The following NTM variants were observed in gnomAD, a reference collection of about 807,000 sequenced individuals.
NTM encodes the protein neurotrimin.
In NTM, 13 loss-of-function variants were observed where a neutral mutation model predicts 42.1. The ratio of observed to expected loss-of-function variants is 0.31; its 90% CI spans 0.20 to 0.49. The LOEUF is 0.49. Ranked by LOEUF, NTM falls within the 20% of genes least tolerant of loss-of-function variation. NTM has a pLI of 0.99. For synonymous variants in NTM, 187 were observed against 179.2 expected, an observed-to-expected ratio of 1.04 and a Z score of -0.35; for missense variants, 373 against 452.8, an observed-to-expected ratio of 0.82 and a Z score of 1.60.
At chr11:131,470,732 G>A (rs1347189482) in intron 1 of NTM, among the ~76,000 whole-genome samples, 1 of 152,208 alleles carries the variant, frequency 6.6e-6, no homozygotes, top group Non-Finnish European at 1.5e-5. Flanking sequence ...CGTGAAAGCA[G>A]CCCTGGTCTT....
intron 1 of NTM, among the ~76,000 whole-genome samples, chr11:131,683,580 G>A (rs2073346476): frequency 6.6e-6 from 1 of 152,210 alleles, no homozygotes; most frequent in Non-Finnish European, 1.5e-5. Flanking sequence ...ATAGACCCTG[G>A]ATGTGTCCGA....
chr11:131,554,797 C>A (rs552552050), intron 1 of NTM, among the ~76,000 whole-genome samples: 1 of 152,098 alleles, frequency 6.6e-6, no homozygotes, highest in Non-Finnish European at 1.5e-5. Flanking sequence ...TTTTGGAGAA[C>A]CTCAGCCTCT....
At chr11:132,022,101 G>A (rs2074433915) in intron 2 of NTM, among the ~76,000 whole-genome samples, 1 of 152,226 alleles carries the variant, frequency 6.6e-6, no homozygotes, top group Admixed American at 6.5e-5. Context: ...CTCTGAACCA[G>A]GGCAGAGATG....
chr11:132,183,413 A>G (rs1018949528), intron 3 of NTM, among the ~76,000 whole-genome samples: 2 of 152,152 alleles, frequency 1.3e-5, no homozygotes, highest in African/African-American at 4.8e-5. Flanking sequence ...GAGAAACTTT[A>G]GCATGATACC....
intron 2 of NTM, among the ~76,000 whole-genome samples, chr11:131,929,160 A>T (rs1417154813): frequency 2.6e-5 from 4 of 152,314 alleles, no homozygotes; most frequent in Middle Eastern, 3.4e-3. Flanking sequence ...GAGGGAAAGG[A>T]GGAAGTGTGC....
intron 1 of NTM, among the ~76,000 whole-genome samples, chr11:131,671,211 T>C (rs58363739): frequency 0.051 from 7,778 of 152,158 alleles, 696 homozygotes; most frequent in African/African-American, 0.18. Context: ...TCAGCAACTT[T>C]ATGGATGCCA....
chr11:131,940,365 CTTG>C (rs1437785139), intron 2 of NTM, among the ~76,000 whole-genome samples: 1 of 152,184 alleles, frequency 6.6e-6, no homozygotes, highest in Non-Finnish European at 1.5e-5. Flanking sequence ...GTGGGTGGTG[CTTG>C]TTGGAGATAA....
intron 2 of NTM, among the ~76,000 whole-genome samples, chr11:131,992,455 C>T (rs528524427): frequency 5.0e-4 from 76 of 151,552 alleles, no homozygotes; most frequent in Non-Finnish European, 4.0e-4. Flanking sequence ...CCACATTGTT[C>T]GAAGTTCAGC....
chr11:132,181,022 G>A (rs924658896), intron 3 of NTM, among the ~76,000 whole-genome samples: 4 of 151,506 alleles, frequency 2.6e-5, no homozygotes, highest in Non-Finnish European at 4.4e-5. Flanking sequence ...AGTTATACAA[G>A]TAAGACAAGT....
At chr11:131,561,772 T>C (rs1592057242) in intron 1 of NTM, among the ~76,000 whole-genome samples, 1 of 152,194 alleles carries the variant, frequency 6.6e-6, no homozygotes, top group South Asian at 2.1e-4. Context: ...GAAAGCCTCA[T>C]TCCTTCGGCC....
intron 1 of NTM, among the ~76,000 whole-genome samples, chr11:131,609,511 C>A (rs1209792833): frequency 6.6e-6 from 1 of 152,166 alleles, no homozygotes; most frequent in Non-Finnish European, 1.5e-5. Context: ...GTGTGGTTTC[C>A]TGACTGTGAC....
At chr11:132,263,153 C>A (rs566166727) in intron 4 of NTM, among the ~76,000 whole-genome samples, 2 of 152,318 alleles carry the variant, frequency 1.3e-5, no homozygotes, top group South Asian at 4.1e-4. Context: ...GTCCTGCGCC[C>A]ACAGTTCTGC....
chr11:131,531,934 G>A (rs75171936), intron 1 of NTM, among the ~76,000 whole-genome samples: 5,338 of 152,294 alleles, frequency 0.035, 311 homozygotes, highest in African/African-American at 0.12. Context: ...CATTTCAAGT[G>A]CAGGGATTCC....
At chr11:132,131,398 A>G (rs112153119) in intron 2 of NTM, among the ~76,000 whole-genome samples, 2,959 of 152,332 alleles carry the variant, frequency 0.019, 42 homozygotes, top group Middle Eastern at 0.034. Flanking sequence ...AAGGCACAAT[A>G]GGTTGCAAGA....
At chr11:131,865,221 A>G (rs1405845400) in intron 1 of NTM, among the ~76,000 whole-genome samples, 1 of 152,248 alleles carries the variant, frequency 6.6e-6, no homozygotes, top group Non-Finnish European at 1.5e-5. Context: ...CACATGGCTG[A>G]CAAATGGCAA....
At chr11:131,779,749 G>T (rs1339075285) in intron 1 of NTM, among the ~76,000 whole-genome samples, 1 of 152,156 alleles carries the variant, frequency 6.6e-6, no homozygotes, top group Non-Finnish European at 1.5e-5. Flanking sequence ...TCTTTAGGTG[G>T]AGAGGGAATA....
rs73580793 is a variant in NTM, at chr11:131,952,435, A to C, written c.167+40787A>C. On this transcript the variant is annotated intron_variant, in intron 2 of 8. Transcript: ENST00000683400. The stretch of plus-strand genomic sequence containing the variant: ...TACATGCACGTATGTATATATTTAT[A>C]TACATACACATATACTCAGTAAACA... Among the ~76,000 whole-genome samples the C allele has an allele frequency of 9.1e-3, 1,384 of 152,328 alleles. 16 individuals are homozygous for C. Among genetic ancestry groups the C allele is most frequent in the African/African-American group, 0.031 (1,306 of 41,562 alleles).
Position 131,971,257 on chromosome 11 carries a change from AC to A in NTM, c.167+59611del, listed in dbSNP as rs202174729. Reference sequence around the variant, plus strand: ...CTAATCTCTGATTCCCATTTTTAAAACCATGTTCACGGGTGTAAAATGACAC... The same window carrying A: ...CTAATCTCTGATTCCCATTTTTAAAACATGTTCACGGGTGTAAAATGACAC... On this transcript the variant is annotated intron_variant, in intron 2 of 8. Coordinates refer to ENST00000683400, the MANE Select transcript of NTM (RefSeq NM_001352005.2). Among the ~76,000 whole-genome samples the A allele has an allele frequency of 2.9e-3, 448 of 152,250 alleles. 10 individuals carry two copies. The highest frequency in any genetic ancestry group is 0.029 in the East Asian group (151 of 5,180).
chr11:131,946,850 G>A (rs976970390), intron 2 of NTM, among the ~76,000 whole-genome samples: 6 of 152,098 alleles, frequency 3.9e-5, no homozygotes, highest in African/African-American at 1.4e-4. Context: ...AAATTTATGT[G>A]CATATTATTT....
Sources: allele counts gnomAD v4.1 joint callset (sites outside exome capture counted in the v4.1 genomes callset), GRCh38; gene constraint gnomAD v4.1.1; transcripts MANE v1.5; gene names NCBI Gene and HGNC (gene_info 2026-07-23, HGNC 2026-07-21).